The following KIF2A variants were observed in gnomAD, a reference collection of about 807,000 sequenced individuals.
The protein encoded by KIF2A is kinesin-like protein KIF2A.
A neutral mutation model predicts 100.2 loss-of-function variants in KIF2A; 22 were observed. That is an observed-to-expected ratio of 0.22 (90% CI 0.16 to 0.31). KIF2A has a LOEUF of 0.31. KIF2A is among the 10% of genes least tolerant of loss of function. KIF2A has a pLI of 1.00. For missense variants in KIF2A, 495 were observed against 898.7 expected (o/e 0.55, Z 5.74); for synonymous variants, 268 against 285.9 (o/e 0.94, Z 0.63).
intron 19 of KIF2A, among the ~76,000 whole-genome samples, chr5:62,380,102 C>T (rs192262832): frequency 1.3e-5 from 2 of 152,212 alleles, no homozygotes; most frequent in East Asian, 1.9e-4. Context: ...CATGTTGGCC[C>T]GGCTGATCTT....
At chr5:62,309,238 A>G (rs528158210) in intron 1 of KIF2A, among the ~76,000 whole-genome samples, 2 of 152,330 alleles carry the variant, frequency 1.3e-5, no homozygotes, top group Non-Finnish European at 1.5e-5. Flanking sequence ...CAGACATACA[A>G]GAGCTTTGTG....
At chr5:62,336,850 GA>G (rs1746979677) in intron 1 of KIF2A, among the ~76,000 whole-genome samples, 1 of 152,078 alleles carries the variant, frequency 6.6e-6, no homozygotes, top group Admixed American at 6.6e-5. Flanking sequence ...TTTATTCTTG[GA>G]AAAGACAAAT....
chr5:62,366,197 T>C (rs1299786343), intron 15 of KIF2A, among the ~76,000 whole-genome samples: 1 of 152,026 alleles, frequency 6.6e-6, no homozygotes, highest in Non-Finnish European at 1.5e-5. Context: ...TCAGCTGGAG[T>C]TTGATTGTTT....
intron 20 of KIF2A, among the ~76,000 whole-genome samples, chr5:62,385,189 A>G (rs951281338): frequency 1.3e-5 from 2 of 152,200 alleles, no homozygotes; most frequent in African/African-American, 4.8e-5. Flanking sequence ...AAACCTGCCT[A>G]TACTCTAGGA....
rs1742192926 is a variant in KIF2A at position 62,389,479 on chromosome 5, C to G, written c.*3910C>G. Among the ~76,000 whole-genome samples, 1 of 41,426 alleles carries G rather than the reference C, an allele frequency of 2.4e-5. No individual in the cohort carries two copies. The highest frequency in any genetic ancestry group is 4.2e-5 in the Non-Finnish European group (1 of 23,998). 27.2% of individuals were successfully genotyped at this position (41,426 alleles called of 152,430 possible). A position where few individuals can be genotyped will look rare whatever the true frequency, so the allele number is the denominator to read the frequency against. ...CCAGCCTGGGTGACAGAGCAAGACT[C>G]TGTCTCAAAAAAAAAAAAAAAAGAA... On this transcript the variant is annotated 3_prime_UTR_variant, in exon 21 of 21. Coordinates refer to ENST00000407818, the MANE Select transcript of KIF2A (RefSeq NM_001098511.3).
At position 62,306,294 on chromosome 5, in the gene KIF2A, G is replaced by A. The variant is rs1160655078; in HGVS notation, c.-179G>A. The A allele has an allele frequency of 3.5e-6, 2 of 568,948 alleles. No homozygotes were observed. The highest frequency in any genetic ancestry group is 6.2e-6 in the Non-Finnish European group (2 of 321,988). 35.2% of individuals were successfully genotyped at this position (568,948 alleles called of 1,614,324 possible). The stretch of plus-strand genomic sequence containing the variant: ...TCCTCCTGCCGGCCTGCAGGCCCGG[G>A]GCCTCCGCCTGCTTCCCCACAGCTG... On this transcript the variant is annotated 5_prime_UTR_variant, in exon 1 of 21. Coordinates refer to ENST00000407818, the MANE Select transcript of KIF2A (RefSeq NM_001098511.3).
At chr5:62,357,351 TG>T (rs1320128022) in intron 7 of KIF2A, among the ~76,000 whole-genome samples, 1 of 152,186 alleles carries the variant, frequency 6.6e-6, no homozygotes, top group African/African-American at 2.4e-5. Flanking sequence ...CCCAAAGTGC[TG>T]GGATTATAGG....
intron 19 of KIF2A, among the ~76,000 whole-genome samples, chr5:62,378,316 C>T (rs889329879): frequency 6.6e-6 from 1 of 152,088 alleles, no homozygotes; most frequent in Non-Finnish European, 1.5e-5. Flanking sequence ...CTCTACTCCC[C>T]TTTTTTTAAA....
intron 1 of KIF2A, among the ~76,000 whole-genome samples, chr5:62,342,515 A>G (rs1243602093): frequency 6.6e-6 from 1 of 152,098 alleles, no homozygotes; most frequent in African/African-American, 2.4e-5. Context: ...TTCCTGGGAA[A>G]TCCACAGCCA....
intron 17 of KIF2A, 88 bp downstream of exon 17, chr5:62,372,639 C>T: frequency 6.6e-6 from 5 of 754,070 alleles, no homozygotes; most frequent in Middle Eastern, 5.4e-4. Context: ...CTATTTTTGT[C>T]CTGAGCCATT....
intron 1 of KIF2A, chr5:62,306,795 G>C (rs1353982911): frequency 6.5e-6 from 3 of 461,310 alleles, no homozygotes; most frequent in Non-Finnish European, 1.2e-5. Flanking sequence ...CGAGGGTCGC[G>C]TCTCCGGGGG....
At chr5:62,343,249 G>T (rs1747391545) in intron 1 of KIF2A, among the ~76,000 whole-genome samples, 1 of 151,924 alleles carries the variant, frequency 6.6e-6, no homozygotes, top group Non-Finnish European at 1.5e-5. Flanking sequence ...ACTCCCTTTT[G>T]ACTCCTCCCA....
intron 14 of KIF2A, among the ~76,000 whole-genome samples, chr5:62,364,446 C>T (rs1740970910): frequency 6.6e-6 from 1 of 151,968 alleles, no homozygotes; most frequent in Non-Finnish European, 1.5e-5. Flanking sequence ...GCGCCCGGCC[C>T]AGAGGGTCTT....
Position 62,321,589 on chromosome 5 carries a change from G to A in KIF2A, c.64+15053G>A, listed in dbSNP as rs538871654. On this transcript the variant is annotated intron_variant, in intron 1 of 20. Transcript: ENST00000407818. ...TGTTTGTTTGTTTTTAAAGGATAGA[G>A]TCTTATTCTGTCTCCCAGACTGGAG... Among the ~76,000 whole-genome samples the A allele has an allele frequency of 1.5e-4, 23 of 152,202 alleles. No individual in the cohort carries two copies. In the East Asian group the frequency reaches 4.2e-3, roughly 28 times the overall value.
At chr5:62,323,661 G>A (rs1476332801) in intron 1 of KIF2A, among the ~76,000 whole-genome samples, 1 of 152,168 alleles carries the variant, frequency 6.6e-6, no homozygotes, top group Non-Finnish European at 1.5e-5. Flanking sequence ...GTGGCAGTGG[G>A]ATTGGCCATA....
At chr5:62,336,506 AC>A (rs1425791527) in intron 1 of KIF2A, among the ~76,000 whole-genome samples, 1 of 151,946 alleles carries the variant, frequency 6.6e-6, no homozygotes, top group Non-Finnish European at 1.5e-5. Context: ...TACCTAGAAA[AC>A]CCCCATGTCT....
chr5:62,367,294 T>G (rs962846596), intron 16 of KIF2A, among the ~76,000 whole-genome samples: 48 of 151,828 alleles, frequency 3.2e-4, no homozygotes, highest in African/African-American at 1.1e-3. Flanking sequence ...TGAGACAGAG[T>G]CTTGTTCTGT....
In KIF2A at chr5:62,365,875, G is replaced by T. The variant is rs191478482; in HGVS notation, c.1578+522G>T. Among the ~76,000 whole-genome samples the T allele has an allele frequency of 6.6e-5, 10 of 152,162 alleles. No individual in the cohort carries two copies. The East Asian group carries it at 9.7e-4, about 15-fold the overall frequency. ...GTTTGCCTTGTATAATATATGTCTA[G>T]GTCTGGAATCAGCTAGGGATTTGGG... is the stretch of plus-strand genomic sequence containing the variant. On this transcript the variant is annotated intron_variant, in intron 15 of 20. Transcript: ENST00000407818.
intron 17 of KIF2A, among the ~76,000 whole-genome samples, chr5:62,373,166 A>G (rs1396789141): frequency 3.9e-5 from 6 of 152,192 alleles, no homozygotes; most frequent in Non-Finnish European, 1.5e-5. Flanking sequence ...TTAAAATCTT[A>G]TAATCTTTAT....
Sources: gnomAD v4.1 joint callset for allele counts (sites outside exome capture counted in the v4.1 genomes callset) on GRCh38, gnomAD v4.1.1 for gene constraint, MANE v1.5 for transcripts, NCBI Gene and HGNC (gene_info 2026-07-23, HGNC 2026-07-21) for gene names.